Variants in APBB2 observed in about 807,000 individuals in gnomAD.
The protein encoded by APBB2 is amyloid beta precursor protein binding family B member 2.
A neutral mutation model predicts 82.5 loss-of-function variants in APBB2; 38 were observed. The ratio of observed to expected loss-of-function variants is 0.46; its 90% CI spans 0.36 to 0.60. APBB2 has a LOEUF of 0.60. APBB2 is among the 20% of genes least tolerant of loss of function. APBB2 has a pLI of 0.00. For missense variants in APBB2, 772 were observed against 972.3 expected (o/e 0.79, Z 2.74); for synonymous variants, 341 against 368.2 (o/e 0.93, Z 0.85).
chr4:40,830,716 T>C (rs1169073343), intron 12 of APBB2, 139 bp from the exon 13 acceptor site: 2 of 604,210 alleles, frequency 3.3e-6, no homozygotes, highest in African/African-American at 3.7e-5. Flanking sequence ...AAAATTAAAT[T>C]ACAATAGCTT....
rs145887110 is a variant in APBB2, at chr4:40,923,968, G to A, written c.1254+10488C>T. On this transcript the variant is annotated intron_variant, in intron 10 of 17. Coordinates refer to ENST00000508593, the MANE Select transcript of APBB2 (RefSeq NM_004307.2). ...TTTAGAAACACAAAAGCTGTCCTCC[G>A]GGATAGGAGGCAAAATGAGCAGCCA... 6.8e-3 allele frequency among the ~76,000 whole-genome samples: 1,037 copies of A among 152,308 alleles called. 9 individuals carry two copies. The highest frequency in any genetic ancestry group is 0.024 in the African/African-American group (995 of 41,574).
intron 4 of APBB2, among the ~76,000 whole-genome samples, chr4:41,048,389 C>T (rs570685276): frequency 3.5e-4 from 53 of 152,310 alleles, no homozygotes; most frequent in Non-Finnish European, 5.3e-4. Context: ...CCCGTAACTG[C>T]TAATATATCA....
intron 10 of APBB2, among the ~76,000 whole-genome samples, chr4:40,922,269 C>G (rs1019074874): frequency 6.6e-6 from 1 of 152,230 alleles, no homozygotes; most frequent in African/African-American, 2.4e-5. Flanking sequence ...TTAGCATTGT[C>G]TCTGCTGCAT....
intron 2 of APBB2, among the ~76,000 whole-genome samples, chr4:41,132,440 T>C (rs1756316327): frequency 6.6e-6 from 1 of 152,338 alleles, no homozygotes; most frequent in African/African-American, 2.4e-5. Context: ...TGTGCATCAG[T>C]CATTACTTCA....
At chr4:41,191,274 T>C (rs1391169070) in intron 1 of APBB2, among the ~76,000 whole-genome samples, 1 of 152,218 alleles carries the variant, frequency 6.6e-6, no homozygotes, top group Non-Finnish European at 1.5e-5. Flanking sequence ...TATTAATGCC[T>C]ATGTGCTTAA....
At chr4:41,209,318 T>C (rs1012993755) in intron 1 of APBB2, among the ~76,000 whole-genome samples, 5 of 152,198 alleles carry the variant, frequency 3.3e-5, no homozygotes, top group African/African-American at 1.2e-4. Flanking sequence ...CTTTGCTCTC[T>C]GCCCCATCGC....
chr4:41,133,438 A>G (rs1379434124), intron 2 of APBB2, among the ~76,000 whole-genome samples: 2 of 152,196 alleles, frequency 1.3e-5, no homozygotes, highest in Non-Finnish European at 2.9e-5. Context: ...GAACTGCTAG[A>G]CAATCAACCC....
chr4:40,826,006 G>T lies in APBB2; in HGVS notation c.1733-36C>A. The T allele has an allele frequency of 6.6e-7, 1 of 1,523,524 alleles. No individual in the cohort carries two copies. Among genetic ancestry groups the T allele is most frequent in the East Asian group, 2.2e-5 (1 of 44,452 alleles). The allele number at this position is 1,523,524 out of a possible 1,614,324, so 94.4% of individuals were successfully genotyped here. A position where few individuals can be genotyped will look rare whatever the true frequency, so the allele number is the denominator to read the frequency against. The stretch of plus-strand genomic sequence containing the variant: ...CAAAAGCAACACATCTTTCTCAGTG[G>T]TTCCAACACACATGTACACAACAGC... On this transcript the variant is annotated intron_variant, in intron 14 of 17. Transcript: ENST00000508593. This position sits in a 1 kb window ranked among gnomAD's most constrained non-coding sequence, Gnocchi z 4.5.
chr4:40,971,227 GA>G (rs367926886), intron 6 of APBB2, among the ~76,000 whole-genome samples: 3 of 152,090 alleles, frequency 2.0e-5, no homozygotes, highest in African/African-American at 7.2e-5. Flanking sequence ...CTAGGAGGAA[GA>G]AAAAAAATTA....
intron 16 of APBB2, among the ~76,000 whole-genome samples, chr4:40,823,369 G>A (rs898455471): frequency 5.3e-5 from 8 of 152,232 alleles, no homozygotes; most frequent in Non-Finnish European, 8.8e-5. Flanking sequence ...GACTACTAGC[G>A]TCACACACTC....
chr4:40,960,487 G>A (rs371162027), intron 6 of APBB2, among the ~76,000 whole-genome samples: 12 of 127,614 alleles, frequency 9.4e-5, no homozygotes, highest in South Asian at 2.5e-4. Context: ...TCGCTCTGTC[G>A]CCCAGGCTGG....
chr4:40,982,090 C>T (rs1046574207), intron 6 of APBB2, among the ~76,000 whole-genome samples: 1 of 150,664 alleles, frequency 6.6e-6, no homozygotes, highest in South Asian at 2.1e-4. Flanking sequence ...GAGGCTGAGG[C>T]GTAAAAATCG....
intron 1 of APBB2, among the ~76,000 whole-genome samples, chr4:41,162,198 C>T (rs893094555): frequency 2.2e-5 from 3 of 135,790 alleles, no homozygotes; most frequent in African/African-American, 8.0e-5. Context: ...ATTTCCCCGT[C>T]TTTTTTTTTT....
chr4:41,089,216 A>G (rs1426135111), intron 3 of APBB2, among the ~76,000 whole-genome samples: 1 of 152,152 alleles, frequency 6.6e-6, no homozygotes, highest in African/African-American at 2.4e-5. Context: ...CACTAACTAT[A>G]GGCTAAATAT....
At chr4:40,973,852 CTTT>C (rs145072355) in intron 6 of APBB2, among the ~76,000 whole-genome samples, 5 of 140,070 alleles carry the variant, frequency 3.6e-5, no homozygotes, top group East Asian at 2.1e-4. Flanking sequence ...TCCAAATTTC[CTTT>C]TTTTTTTTTT....
intron 12 of APBB2, among the ~76,000 whole-genome samples, chr4:40,860,402 G>T (rs943088952): frequency 3.9e-5 from 6 of 152,206 alleles, no homozygotes; most frequent in Admixed American, 3.3e-4. Context: ...TGGACACCAA[G>T]GCTTGGATGA....
chr4:41,169,856 G>C (rs887190567), intron 1 of APBB2, among the ~76,000 whole-genome samples: 20 of 119,592 alleles, frequency 1.7e-4, no homozygotes, highest in Non-Finnish European at 2.7e-4. Context: ...TATTACTGTA[G>C]GTTTTTTTTT....
intron 13 of APBB2, among the ~76,000 whole-genome samples, chr4:40,830,010 T>G (rs189072987): frequency 4.0e-4 from 61 of 152,356 alleles, no homozygotes; most frequent in African/African-American, 1.3e-3. Flanking sequence ...GCCCTGCCCC[T>G]GGAAAATCCG....
At chr4:41,151,956 A>G (rs1283079839) in intron 1 of APBB2, among the ~76,000 whole-genome samples, 1 of 151,826 alleles carries the variant, frequency 6.6e-6, no homozygotes. Flanking sequence ...ACTCCTAACC[A>G]TTTACTCTTA....
Sources: allele counts gnomAD v4.1 joint callset (sites outside exome capture counted in the v4.1 genomes callset), GRCh38; gene constraint gnomAD v4.1.1; non-coding constraint Gnocchi (gnomAD v3.1); transcripts MANE v1.5; gene names NCBI Gene and HGNC (gene_info 2026-07-23, HGNC 2026-07-21).